The following ASB3 variants were observed in gnomAD, a reference collection of about 807,000 sequenced individuals.
The protein encoded by ASB3 is ankyrin repeat and SOCS box containing 3.
ASB3 carries 41 observed loss-of-function variants against 54.5 expected under a neutral mutation model. The ratio of observed to expected loss-of-function variants is 0.75; its 90% confidence interval spans 0.59 to 0.98. ASB3 has a LOEUF of 0.98. Ranked by LOEUF, ASB3 falls within the 50% of genes least tolerant of loss-of-function variation. ASB3 has a pLI of 0.00. For missense variants in ASB3, 733 were observed against 620.0 expected (o/e 1.18, Z -1.94); for synonymous variants, 266 against 221.2 (o/e 1.20, Z -1.80).
chr2:53,701,047 C>T (rs960716956), intron 7 of ASB3, among the ~76,000 whole-genome samples: 1 of 152,164 alleles, frequency 6.6e-6, no homozygotes, highest in Non-Finnish European at 1.5e-5. Context: ...ACAATCAAGG[C>T]TCACTGTAAC....
intron 8 of ASB3, 51 bp downstream of exon 8, chr2:53,700,220 G>A: frequency 6.4e-7 from 1 of 1,569,872 alleles, no homozygotes; most frequent in Non-Finnish European, 8.6e-7. Flanking sequence ...GAAATTAAAG[G>A]TAGTATATTC....
At chr2:53,693,567 T>G (rs915579892) in intron 9 of ASB3, among the ~76,000 whole-genome samples, 2 of 152,172 alleles carry the variant, frequency 1.3e-5, no homozygotes, top group East Asian at 3.8e-4. Context: ...AAGTACAGAA[T>G]AAGCAGATTT....
intron 2 of ASB3, among the ~76,000 whole-genome samples, chr2:53,757,707 C>T (rs1572979312): frequency 6.6e-6 from 1 of 152,120 alleles, no homozygotes; most frequent in East Asian, 1.9e-4. Flanking sequence ...GAATCTTGTC[C>T]CTGGTGTCCC....
chr2:53,727,931 G>A (rs1671098558), intron 5 of ASB3, among the ~76,000 whole-genome samples: 2 of 152,160 alleles, frequency 1.3e-5, no homozygotes, highest in African/African-American at 2.4e-5. Flanking sequence ...TCGCCATGTT[G>A]GCCAGGCTGG....
At chr2:53,753,280 T>C (rs1000554164) in intron 2 of ASB3, among the ~76,000 whole-genome samples, 1 of 152,172 alleles carries the variant, frequency 6.6e-6, no homozygotes, top group Non-Finnish European at 1.5e-5. Flanking sequence ...AAGTTGTTTC[T>C]AGGAGTAGAG....
At chr2:53,725,501 T>C (rs1190986198) in intron 5 of ASB3, among the ~76,000 whole-genome samples, 1 of 152,218 alleles carries the variant, frequency 6.6e-6, no homozygotes, top group Admixed American at 6.5e-5. Context: ...ATATACGCCA[T>C]TGTATAAAGA....
At position 53,746,457 on chromosome 2, in the gene ASB3, C is replaced by T. The variant is rs188002998; in HGVS notation, c.355+4326G>A. Among the ~76,000 whole-genome samples the T allele has an allele frequency of 3.0e-4, 45 of 151,680 alleles. No individual in the cohort carries two copies. In the East Asian group the frequency reaches 8.1e-3, roughly 27 times the overall value. ...CACTGATGTATACATGCCCATTCTT[C>T]CACACACTGTTTTTTGGGGGGTTTT... is the stretch of plus-strand genomic sequence containing the variant. On this transcript the variant is annotated intron_variant, in intron 3 of 9. Transcript: ENST00000263634.
intron 5 of ASB3, among the ~76,000 whole-genome samples, chr2:53,727,443 T>A (rs1558542517): frequency 6.6e-6 from 1 of 151,970 alleles, no homozygotes. Context: ...CACTTGAGGT[T>A]GGGAGATTGA....
intron 8 of ASB3, among the ~76,000 whole-genome samples, chr2:53,694,726 C>T (rs933503572): frequency 6.6e-6 from 1 of 152,112 alleles, no homozygotes; most frequent in Non-Finnish European, 1.5e-5. Context: ...TTTAATACTG[C>T]TTCTGCTACT....
chr2:53,724,349 C>T (rs1442368482), intron 5 of ASB3, among the ~76,000 whole-genome samples: 1 of 152,174 alleles, frequency 6.6e-6, no homozygotes, highest in Non-Finnish European at 1.5e-5. Context: ...CCTGTAATCT[C>T]AGCACTTTGG....
At chr2:53,718,983 C>T (rs554312448) in intron 5 of ASB3, among the ~76,000 whole-genome samples, 3 of 152,174 alleles carry the variant, frequency 2.0e-5, no homozygotes, top group Admixed American at 6.5e-5. Flanking sequence ...TGCAATGGTG[C>T]GATCTCGGCT....
chr2:53,767,800 G>C (rs1573000973), intron 1 of ASB3: 18 of 1,506,486 alleles, frequency 1.2e-5, no homozygotes, highest in South Asian at 2.5e-5. Context: ...CCGCGCGGCC[G>C]GTTACTCGCT....
chr2:53,782,515 T>A (rs1674706139), intron 1 of ASB3, among the ~76,000 whole-genome samples: 1 of 152,182 alleles, frequency 6.6e-6, no homozygotes, highest in Admixed American at 6.5e-5. Flanking sequence ...CAAGCCAAAC[T>A]TTTTACCACA....
intron 2 of ASB3, among the ~76,000 whole-genome samples, chr2:53,757,457 C>T (rs541189395): frequency 6.6e-6 from 1 of 152,208 alleles, no homozygotes; most frequent in Non-Finnish European, 1.5e-5. Context: ...AACAGTCGCC[C>T]GTGCATGCAC....
chr2:53,728,873 T>C (rs1558543567), intron 4 of ASB3, 26 bp from the exon 5 acceptor site: 2 of 1,553,226 alleles, frequency 1.3e-6, no homozygotes, highest in Non-Finnish European at 1.7e-6. Flanking sequence ...ACATTTTAAA[T>C]AAGAAAAAAA....
chr2:53,678,082 T>C (rs1668176742), intron 9 of ASB3, among the ~76,000 whole-genome samples: 1 of 152,188 alleles, frequency 6.6e-6, no homozygotes, highest in Non-Finnish European at 1.5e-5. Context: ...CATAATGAAG[T>C]GATTACTACA....
At chr2:53,745,385 C>G (rs1478558475) in intron 3 of ASB3, among the ~76,000 whole-genome samples, 1 of 152,166 alleles carries the variant, frequency 6.6e-6, no homozygotes, top group Non-Finnish European at 1.5e-5. Flanking sequence ...TGAATTTCCC[C>G]TTTCTCGTGA....
chr2:53,700,270 C>G lies in ASB3; in HGVS notation c.1238+1G>C. The G allele has an allele frequency of 1.9e-6, 3 of 1,609,118 alleles. No individual in the cohort carries two copies. Among genetic ancestry groups the G allele is most frequent in the Non-Finnish European group, 2.5e-6 (3 of 1,177,596 alleles). On this transcript the variant is annotated splice_donor_variant, in intron 8 of 9. Coordinates refer to ENST00000263634, the MANE Select transcript of ASB3 (RefSeq NM_016115.5). LOFTEE classifies it high-confidence loss of function. ...AGCCCGACTATGGTAGAATTTCTTA[C>G]CAAGAATTGCACAGTAGAATCAGTG... is the stretch of plus-strand genomic sequence containing the variant.
chr2:53,681,977 G>C (rs769431653), intron 9 of ASB3, among the ~76,000 whole-genome samples: 2 of 151,882 alleles, frequency 1.3e-5, no homozygotes, highest in African/African-American at 2.4e-5. Context: ...GGCCAATATG[G>C]TGAAACCTCG....
Sources: allele counts gnomAD v4.1 joint callset (sites outside exome capture counted in the v4.1 genomes callset), GRCh38; gene constraint gnomAD v4.1.1; transcripts MANE v1.5; gene names NCBI Gene and HGNC (gene_info 2026-07-23, HGNC 2026-07-21).